AGR2: variants seen among roughly 807,000 people sequenced by gnomAD.
The protein encoded by AGR2 is anterior gradient protein 2 homolog.
In AGR2, 27 loss-of-function variants were observed where a neutral mutation model predicts 25.9. That is an observed-to-expected ratio of 1.04 (90% confidence interval 0.77 to 1.44). The LOEUF (loss-of-function observed/expected upper bound fraction) is 1.44, where lower values mean the gene tolerates loss of function less well. AGR2 is among the 40% of genes most tolerant of loss of function. The pLI is 0.00. For missense variants in AGR2, 182 were observed against 200.9 expected, an observed-to-expected ratio of 0.91 and a Z score of 0.57; for synonymous variants, 78 against 72.0, an observed-to-expected ratio of 1.08 and a Z score of -0.42.
intron 7 of AGR2, among the ~76,000 whole-genome samples, chr7:16,793,930 G>A (rs1184476467): frequency 6.6e-6 from 1 of 152,164 alleles, no homozygotes; most frequent in African/African-American, 2.4e-5. Context: ...GTTCTACAAG[G>A]GATTGTGATA....
At chr7:16,804,426 C>A (rs1785200401) in intron 1 of AGR2, among the ~76,000 whole-genome samples, 2 of 152,152 alleles carry the variant, frequency 1.3e-5, no homozygotes, top group South Asian at 4.1e-4. Flanking sequence ...CAGCTCTCTC[C>A]TCTAATAGCC....
At chr7:16,804,253 C>T (rs1051645185) in intron 1 of AGR2, among the ~76,000 whole-genome samples, 11 of 79,646 alleles carry the variant, frequency 1.4e-4, no homozygotes, top group Admixed American at 1.1e-3. Context: ...TTTGGAGACA[C>T]ACACAGACAT....
At chr7:16,800,789 G>A (rs1219523729) in intron 4 of AGR2, among the ~76,000 whole-genome samples, 2 of 152,172 alleles carry the variant, frequency 1.3e-5, no homozygotes, top group African/African-American at 4.8e-5. Flanking sequence ...TTTAAACCAA[G>A]TTTGGGAACC....
chr7:16,801,772 A>T lies in AGR2; in HGVS notation c.25T>A (p.Phe9Ile), dbSNP rs1212409859. The part of the protein sequence containing the change: MEKIPVSA[F>I]LLLVALSYTL... ...TAGGAGAGGGCCACAAGGAGCAAGAATGCTGACACTGGAATTTTCTCCATG... is the reference window on the plus strand; with the variant it reads ...TAGGAGAGGGCCACAAGGAGCAAGATTGCTGACACTGGAATTTTCTCCATG... Residue 9 changes from phenylalanine to isoleucine, a missense_variant, in exon 2 of 8, where the codon TTC becomes ATC. Transcript: ENST00000419304. 2.5e-6 allele frequency: 4 copies of T among 1,609,954 alleles called. No homozygotes were observed. Among genetic ancestry groups the T allele is most frequent in the Non-Finnish European group, 3.4e-6 (4 of 1,177,484 alleles).
chr7:16,803,794 A>C (rs1021754476), intron 1 of AGR2, among the ~76,000 whole-genome samples: 1 of 152,242 alleles, frequency 6.6e-6, no homozygotes, highest in Non-Finnish European at 1.5e-5. Context: ...AATGTTAAAA[A>C]AATCAAGAAC....
Position 16,801,639 on chromosome 7 carries a change from A to G in AGR2, c.139+19T>C. The G allele has an allele frequency of 6.2e-7, 1 of 1,613,950 alleles. No homozygotes were observed. The highest frequency in any genetic ancestry group is 8.5e-7 in the Non-Finnish European group (1 of 1,179,968). ...CCAATTAAGTAGCAGTTGGAAGCCA[A>G]CAAGAAGCTGACTCCTACCTCTGGA... On this transcript the variant is annotated intron_variant, in intron 2 of 7. Coordinates refer to ENST00000419304, the MANE Select transcript of AGR2 (RefSeq NM_006408.4).
chr7:16,793,581 T>G (rs1276901426), intron 7 of AGR2, among the ~76,000 whole-genome samples: 1 of 152,228 alleles, frequency 6.6e-6, no homozygotes, highest in East Asian at 1.9e-4. Context: ...AAATGTCTAT[T>G]AGTAGGTGTG....
chr7:16,801,916 C>G, intron 1 of AGR2, 113 bp from the exon 2 acceptor site: 2 of 849,344 alleles, frequency 2.4e-6, no homozygotes, highest in Admixed American at 2.9e-5. Flanking sequence ...TCTGCTGAGA[C>G]TGGACATACG....
chr7:16,799,804 C>A lies in AGR2; in HGVS notation c.270G>T (p.Val90=), dbSNP rs775286089. 1 of 1,611,244 alleles carries A rather than the reference C, an allele frequency of 6.2e-7. No homozygotes were observed. Among genetic ancestry groups the A allele is most frequent in the Non-Finnish European group, 8.5e-7 (1 of 1,177,826 alleles). The change falls in exon 5 of 8, where the codon GTG becomes GTT. Residue 90 remains valine, a synonymous_variant. Transcript: ENST00000419304. ...TCTGGATTTCTTTATTTTCAGCAAA[C>A]ACTTTCTTTAAAGCTATAATATAAA... is the stretch of plus-strand genomic sequence containing the variant. The part of the protein sequence containing the change: ...ECPHSQALKK[V]FAENKEIQKL...
chr7:16,792,963 G>C lies in AGR2; in HGVS notation c.479-6C>G, dbSNP rs374504036. 2 of 1,613,654 alleles carry C rather than the reference G, an allele frequency of 1.2e-6. No individual in the cohort carries two copies. The highest frequency in any genetic ancestry group is 1.7e-6 in the Non-Finnish European group (2 of 1,179,622). On this transcript the variant is annotated splice_region_variant and splice_polypyrimidine_tract_variant and intron_variant, in intron 7 of 7. Coordinates refer to ENST00000419304, the MANE Select transcript of AGR2 (RefSeq NM_006408.4). ...TTTCTTCATGTTGTCAAGCACTAAT[G>C]GGGGATAAAAGCAGGAGAGTCAAGA...
chr7:16,792,966 G>T lies in AGR2; in HGVS notation c.479-9C>A. 2 of 1,613,556 alleles carry T rather than the reference G, an allele frequency of 1.2e-6. No individual in the cohort carries two copies. Among genetic ancestry groups the T allele is most frequent in the Non-Finnish European group, 8.5e-7 (1 of 1,179,574 alleles). ...CTTCATGTTGTCAAGCACTAATGGG[G>T]GATAAAAGCAGGAGAGTCAAGACAC... On this transcript the variant is annotated splice_polypyrimidine_tract_variant and intron_variant, in intron 7 of 7. Coordinates refer to ENST00000419304, the MANE Select transcript of AGR2 (RefSeq NM_006408.4).
intron 7 of AGR2, among the ~76,000 whole-genome samples, chr7:16,793,805 C>T (rs767606781): frequency 6.6e-6 from 1 of 152,180 alleles, no homozygotes; most frequent in Non-Finnish European, 1.5e-5. Flanking sequence ...ACTGTTTCTT[C>T]AACAGCAATT....
At chr7:16,794,624 G>A in intron 7 of AGR2, 1 of 549,308 alleles carries the variant, frequency 1.8e-6, no homozygotes, top group Non-Finnish European at 3.2e-6. Flanking sequence ...ACTCAGTTCT[G>A]TGATAGAAGG....
At chr7:16,794,814 T>G (rs767551695) in intron 7 of AGR2, 122 bp downstream of exon 7, 18 of 1,552,376 alleles carry the variant, frequency 1.2e-5, no homozygotes, top group Non-Finnish European at 1.5e-5. Context: ...AGGGTCAAAC[T>G]GAGTCCGAGG....
chr7:16,801,364 G>C lies in AGR2; in HGVS notation c.159C>G (p.Ile53Met), dbSNP rs893588398. 4.3e-6 allele frequency: 7 copies of C among 1,613,668 alleles called. No individual in the cohort carries two copies. Among genetic ancestry groups the C allele is most frequent in the African/African-American group, 1.3e-5 (1 of 75,032 alleles). ...GAGCTTCTTCATATGTCTGAGTCCA[G>C]ATGAGTTGGTCACCCCAACCTAGAA... is the stretch of plus-strand genomic sequence containing the variant. ...TLSRGWGDQL[I>M]WTQTYEEALY... The change falls in exon 3 of 8, where the codon ATC (isoleucine) becomes ATG (methionine). Residue 53 changes from isoleucine (I) to methionine (M), a missense_variant. Ile to Met is a conservative substitution (Grantham distance 10). Transcript: ENST00000419304.
chr7:16,800,202 G>A (rs189875552), intron 4 of AGR2, among the ~76,000 whole-genome samples: 2 of 152,242 alleles, frequency 1.3e-5, no homozygotes, highest in African/African-American at 4.8e-5. Context: ...ATACTTTCAG[G>A]TAGAGATATG....
intron 5 of AGR2, among the ~76,000 whole-genome samples, chr7:16,798,321 G>C (rs570044283): frequency 6.6e-6 from 1 of 152,300 alleles, no homozygotes; most frequent in African/African-American, 2.4e-5. Flanking sequence ...AGTCAGTTAG[G>C]TGGAAAAGAA....
At chr7:16,794,778 A>G in intron 7 of AGR2, 158 bp downstream of exon 7, 2 of 1,500,130 alleles carry the variant, frequency 1.3e-6, no homozygotes, top group South Asian at 1.3e-5. Flanking sequence ...AAAGAGTGTG[A>G]TTTGCCTGAA....
intron 6 of AGR2, among the ~76,000 whole-genome samples, chr7:16,795,618 C>T: frequency 6.6e-6 from 1 of 152,088 alleles, no homozygotes; most frequent in Non-Finnish European, 1.5e-5. Context: ...AAATTTAAAT[C>T]CATCTTGCCA....
Sources: allele counts gnomAD v4.1 joint callset (sites outside exome capture counted in the v4.1 genomes callset), GRCh38; gene constraint gnomAD v4.1.1; transcripts MANE v1.5; gene names NCBI Gene and HGNC (gene_info 2026-07-23, HGNC 2026-07-21).